Variants in SLCO1A2 observed in about 807,000 individuals in gnomAD.
SLCO1A2 encodes the protein OATP-1.
Under a neutral mutation model 69.0 loss-of-function variants are expected in SLCO1A2, and 67 were observed. That is an observed-to-expected ratio of 0.97 (90% CI 0.80 to 1.19). SLCO1A2 has a LOEUF of 1.19. Ranked by LOEUF, SLCO1A2 falls within the 50% of genes most tolerant of loss-of-function variation. The pLI is 0.00. For synonymous variants in SLCO1A2, 260 were observed against 265.9 expected (o/e 0.98, Z 0.22); for missense variants, 787 against 793.7 (o/e 0.99, Z 0.10).
chr12:21,275,592 C>T (rs1372152196), intron 12 of SLCO1A2, among the ~76,000 whole-genome samples, 168 bp from the exon 13 acceptor site: 1 of 152,160 alleles, frequency 6.6e-6, no homozygotes, highest in Non-Finnish European at 1.5e-5. Context: ...TGGCAGCCTA[C>T]ACAGGAGCCC....
intron 4 of SLCO1A2, among the ~76,000 whole-genome samples, chr12:21,313,090 C>G (rs1950422382): frequency 6.6e-6 from 1 of 151,994 alleles, no homozygotes; most frequent in African/African-American, 2.4e-5. Flanking sequence ...AAAAGAAATA[C>G]ATAAATAAAT....
intron 6 of SLCO1A2, 24 bp from the exon 7 acceptor site, chr12:21,301,293 G>C (rs755536879): frequency 5.3e-6 from 8 of 1,515,414 alleles, no homozygotes; most frequent in Middle Eastern, 1.8e-4. Flanking sequence ...AAAGTATAAG[G>C]TTATAGTACA....
At chr12:21,353,154 T>C (rs1392908885) in intron 2 of SLCO1A2, among the ~76,000 whole-genome samples, 1 of 152,200 alleles carries the variant, frequency 6.6e-6, no homozygotes. Flanking sequence ...CAGTATTCAT[T>C]ACCAAGAATT....
At chr12:21,316,188 G>T (rs557271317) in intron 3 of SLCO1A2, among the ~76,000 whole-genome samples, 2 of 152,174 alleles carry the variant, frequency 1.3e-5, no homozygotes, top group Non-Finnish European at 2.9e-5. Context: ...AGAAGTTGTG[G>T]TGCCCATCTG....
intron 2 of SLCO1A2, among the ~76,000 whole-genome samples, chr12:21,323,744 T>C (rs1951932840): frequency 6.6e-6 from 1 of 152,224 alleles, no homozygotes; most frequent in South Asian, 2.1e-4. Flanking sequence ...ATGGTTGGGC[T>C]GGATGAAAAG....
intron 7 of SLCO1A2, among the ~76,000 whole-genome samples, chr12:21,300,789 G>A (rs1948621163): frequency 6.6e-6 from 1 of 152,076 alleles, no homozygotes; most frequent in Non-Finnish European, 1.5e-5. Context: ...TTTAAAAGCA[G>A]GTATTAACTA....
chr12:21,318,212 G>A (rs546748358), intron 3 of SLCO1A2, among the ~76,000 whole-genome samples: 6 of 151,218 alleles, frequency 4.0e-5, no homozygotes, highest in East Asian at 3.9e-4. Context: ...TCCGCCTCTC[G>A]GGTTCACACC....
At chr12:21,310,838 C>G (rs61927777) in intron 4 of SLCO1A2, among the ~76,000 whole-genome samples, 1 of 152,062 alleles carries the variant, frequency 6.6e-6, no homozygotes, top group Non-Finnish European at 1.5e-5. Context: ...CTCCTGACCT[C>G]GTGATCCGCC....
chr12:21,397,317 A>C (rs1469880483), upstream of SLCO1A2, among the ~76,000 whole-genome samples: 1 of 152,078 alleles, frequency 6.6e-6, no homozygotes, highest in Non-Finnish European at 1.5e-5. Context: ...CAACAAGAAG[A>C]GCTAACTATC....
chr12:21,400,206 A>C (rs975089953), upstream of SLCO1A2, among the ~76,000 whole-genome samples: 6 of 152,214 alleles, frequency 3.9e-5, no homozygotes, highest in Admixed American at 1.3e-4. Flanking sequence ...CCCATCAAAA[A>C]GTGGGCGAAG....
At chr12:21,290,448 G>A (rs1174522650) in intron 12 of SLCO1A2, among the ~76,000 whole-genome samples, 1 of 152,104 alleles carries the variant, frequency 6.6e-6, no homozygotes, top group Non-Finnish European at 1.5e-5. Context: ...TCAAGGTGAC[G>A]CTGGTATGGG....
At chr12:21,284,355 G>A (rs796086372) in intron 12 of SLCO1A2, among the ~76,000 whole-genome samples, 10 of 152,270 alleles carry the variant, frequency 6.6e-5, no homozygotes, top group African/African-American at 1.4e-4. Flanking sequence ...CTGAGGTACC[G>A]GGTTTATCTC....
chr12:21,308,751 C>T (rs191724494), intron 4 of SLCO1A2, among the ~76,000 whole-genome samples: 1 of 152,294 alleles, frequency 6.6e-6, no homozygotes. Context: ...AATTCTGAGC[C>T]ATGTGCGAAA....
At chr12:21,330,696 A>T (rs2136938812) in intron 2 of SLCO1A2, among the ~76,000 whole-genome samples, 1 of 152,298 alleles carries the variant, frequency 6.6e-6, no homozygotes, top group Non-Finnish European at 1.5e-5. Flanking sequence ...CCTTGCATTA[A>T]GAGTAACTCA....
intron 1 of SLCO1A2, among the ~76,000 whole-genome samples, chr12:21,380,313 A>G (rs1460925506): frequency 6.6e-6 from 1 of 152,170 alleles, no homozygotes; most frequent in African/African-American, 2.4e-5. Flanking sequence ...TATCATGTTC[A>G]AGGACATTGC....
chr12:21,317,722 C>G (rs1951057511), intron 3 of SLCO1A2, among the ~76,000 whole-genome samples: 1 of 152,140 alleles, frequency 6.6e-6, no homozygotes, highest in Non-Finnish European at 1.5e-5. Context: ...TTCAGTTTTG[C>G]TTCTCCTCAA....
intron 2 of SLCO1A2, among the ~76,000 whole-genome samples, chr12:21,332,999 T>C (rs1169324492): frequency 6.6e-6 from 1 of 152,120 alleles, no homozygotes; most frequent in Admixed American, 6.6e-5. Context: ...ACTGATTGAC[T>C]ACAGCATAGT....
At chr12:21,345,992 C>T (rs112704675) in intron 2 of SLCO1A2, among the ~76,000 whole-genome samples, 8,920 of 151,432 alleles carry the variant, frequency 0.059, 310 homozygotes, top group Non-Finnish European at 0.077. Context: ...AGAGCATGTT[C>T]CAATAAAGCA....
chr12:21,367,874 T>G (rs1284936109), intron 2 of SLCO1A2, among the ~76,000 whole-genome samples: 2 of 152,126 alleles, frequency 1.3e-5, no homozygotes, highest in African/African-American at 4.8e-5. Flanking sequence ...AGAAAAATCA[T>G]ATATCTTGCC....
Sources: gnomAD v4.1 joint callset for allele counts (sites outside exome capture counted in the v4.1 genomes callset) on GRCh38, gnomAD v4.1.1 for gene constraint, MANE v1.5 for transcripts, NCBI Gene and HGNC (gene_info 2026-07-23, HGNC 2026-07-21) for gene names.